RCC1: variants seen among roughly 807,000 people sequenced by gnomAD.
RCC1 encodes the protein regulator of chromosome condensation.
Under a neutral mutation model 44.4 loss-of-function variants are expected in RCC1, and 11 were observed. That is an observed-to-expected ratio of 0.25 (90% confidence interval 0.16 to 0.41). The LOEUF is 0.41. Among genes scored for constraint, RCC1 ranks in the 10% least tolerant of loss-of-function variants. The pLI is 1.00. For synonymous variants in RCC1, 213 were observed against 216.5 expected (o/e 0.98, Z 0.14); for missense variants, 386 against 547.1 (o/e 0.71, Z 2.94).
intron 4 of RCC1, among the ~76,000 whole-genome samples, chr1:28,521,531 G>A (rs1221959318): frequency 6.7e-6 from 1 of 149,872 alleles, no homozygotes; most frequent in Non-Finnish European, 1.5e-5. Context: ...AAAGAAGGTG[G>A]CCCTCCATCC....
chr1:28,529,722 C>T (rs1663985342), intron 4 of RCC1, 136 bp from the exon 5 acceptor site: 1 of 674,518 alleles, frequency 1.5e-6, no homozygotes, highest in Non-Finnish European at 2.7e-6. Context: ...TTATTCTGTT[C>T]TTGGGATACA....
chr1:28,516,722 A>G lies in RCC1; in HGVS notation c.-152-3A>G, dbSNP rs568474500. On this transcript the variant is annotated splice_region_variant and splice_polypyrimidine_tract_variant and intron_variant, in intron 3 of 12. Transcript: ENST00000683442. The stretch of plus-strand genomic sequence containing the variant: ...AATAATCACTTATTATTATTACATG[A>G]AGCTACATGAATGTGTAAGATCTTG... The G allele has an allele frequency of 6.9e-5, 27 of 390,126 alleles. 1 individual carries two copies. Among genetic ancestry groups the G allele is most frequent in the South Asian group, 5.1e-4 (27 of 53,250 alleles). The allele number at this position is 390,126 out of a possible 1,614,324, so 24.2% of individuals were successfully genotyped here.
intron 3 of RCC1, chr1:28,509,885 G>T (rs963443704): frequency 2.0e-4 from 31 of 152,332 alleles, no homozygotes; most frequent in African/African-American, 7.2e-4. Flanking sequence ...TTCCTGCAGT[G>T]TAGTGGAGGA....
intron 4 of RCC1, among the ~76,000 whole-genome samples, chr1:28,524,459 T>A (rs190268244): frequency 2.0e-5 from 3 of 152,260 alleles, no homozygotes; most frequent in Admixed American, 1.3e-4. Flanking sequence ...CTTGGGAAGC[T>A]GAGGTGGGAA....
intron 4 of RCC1, among the ~76,000 whole-genome samples, chr1:28,527,607 C>T (rs569285060): frequency 6.6e-6 from 1 of 152,258 alleles, no homozygotes; most frequent in East Asian, 1.9e-4. Flanking sequence ...TATAACAACA[C>T]ATTACCAAAG....
chr1:28,507,390 C>A (rs1465387161), intron 1 of RCC1: 1 of 519,082 alleles, frequency 1.9e-6, no homozygotes, highest in Admixed American at 1.9e-5. Flanking sequence ...CCCGGGAGGT[C>A]ACTCTCCCCG....
chr1:28,528,349 G>A (rs950328573), intron 4 of RCC1, among the ~76,000 whole-genome samples: 25 of 151,768 alleles, frequency 1.6e-4, no homozygotes, highest in African/African-American at 6.1e-4. Context: ...CCAGCTACTC[G>A]AGAGGCTGAG....
intron 4 of RCC1, among the ~76,000 whole-genome samples, chr1:28,528,404 G>A (rs1388784308): frequency 2.0e-5 from 3 of 152,154 alleles, no homozygotes; most frequent in Admixed American, 6.6e-5. Flanking sequence ...TGCATGAGCC[G>A]AGATCGCACC....
At chr1:28,522,330 A>T (rs1413854647) in intron 4 of RCC1, among the ~76,000 whole-genome samples, 2 of 152,062 alleles carry the variant, frequency 1.3e-5, no homozygotes, top group Non-Finnish European at 2.9e-5. Flanking sequence ...TCTGGCAAGG[A>T]GATTGTGTGG....
intron 4 of RCC1, chr1:28,518,271 G>A (rs898258573): frequency 6.6e-6 from 1 of 152,262 alleles, no homozygotes; most frequent in Non-Finnish European, 1.5e-5. Flanking sequence ...CGGCCCGGCG[G>A]GGAGCGCCGG....
intron 4 of RCC1, chr1:28,527,049 G>A: frequency 1.2e-6 from 1 of 824,706 alleles, no homozygotes; most frequent in South Asian, 1.3e-5. Flanking sequence ...TCAGGTGCAT[G>A]GTATGAGGAA....
chr1:28,521,479 G>A (rs941720390), intron 4 of RCC1, among the ~76,000 whole-genome samples: 27 of 141,952 alleles, frequency 1.9e-4, no homozygotes, highest in African/African-American at 3.8e-4. Flanking sequence ...CAGACTGGGC[G>A]ACAGAGCGAG....
intron 3 of RCC1, among the ~76,000 whole-genome samples, chr1:28,511,396 GTT>G (rs1289599808): frequency 1.5e-5 from 2 of 131,780 alleles, no homozygotes; most frequent in African/African-American, 3.5e-5. Context: ...CCAATTTTTT[GTT>G]TTTTGTTTTT....
In RCC1 at chr1:28,536,197, G is replaced by T. The variant is rs528796529; in HGVS notation, c.818-65G>T. The T allele has an allele frequency of 2.5e-6, 4 of 1,590,836 alleles. No individual in the cohort carries two copies. In the Admixed American group the frequency reaches 7.0e-5, roughly 28 times the overall value. Reference sequence around the variant, plus strand: ...CTGATGGGAGGTGGCCTCACTGTGGGAGGAGATTGAGAAGGGCAGCTCTCA... The same window carrying T: ...CTGATGGGAGGTGGCCTCACTGTGGTAGGAGATTGAGAAGGGCAGCTCTCA... On this transcript the variant is annotated intron_variant, in intron 10 of 12. Coordinates refer to ENST00000683442, the MANE Select transcript of RCC1 (RefSeq NM_001381865.2). This position sits in a 1 kb window ranked among gnomAD's most constrained non-coding sequence, Gnocchi z 4.9.
Position 28,536,059 on chromosome 1 carries a change from A to G in RCC1, c.817+33A>G, listed in dbSNP as rs1350837959. 1 of 1,581,302 alleles carries G rather than the reference A, an allele frequency of 6.3e-7. No homozygotes were observed. The highest frequency in any genetic ancestry group is 2.2e-5 in the East Asian group (1 of 44,528). On this transcript the variant is annotated intron_variant, in intron 10 of 12. Transcript: ENST00000683442. The surrounding 1 kb of genome is among the most constrained non-coding windows in gnomAD (Gnocchi z 4.9). Reference sequence around the variant, plus strand: ...CCGAGCCCAGCTTCAGGCATGACCCAGTGGCCTGCGTTCCTGTCCTGGCTC... The same window carrying G: ...CCGAGCCCAGCTTCAGGCATGACCCGGTGGCCTGCGTTCCTGTCCTGGCTC...
chr1:28,537,859 C>T lies in RCC1; in HGVS notation c.1118C>T (p.Thr373Ile). 1 of 1,613,174 alleles carries T rather than the reference C, an allele frequency of 6.2e-7. No homozygotes were observed. Among genetic ancestry groups the T allele is most frequent in the Non-Finnish European group, 8.5e-7 (1 of 1,179,714 alleles). Residue 373 changes from threonine (T) to isoleucine (I), a missense_variant, in exon 13 of 13, where the codon ACC (threonine) becomes ATC (isoleucine). By Grantham distance (89) the Thr-to-Ile change is moderately conservative. Transcript: ENST00000683442. ...CGTGTTTTCGCCTGGGGCATGGGCACCAACTACCAGCTGGGCACAGGGCAG... is the reference window on the plus strand; with the variant it reads ...CGTGTTTTCGCCTGGGGCATGGGCATCAACTACCAGCTGGGCACAGGGCAG... ...DGRVFAWGMG[T>I]NYQLGTGQDE...
intron 4 of RCC1, among the ~76,000 whole-genome samples, chr1:28,517,133 AAGTTCAGTTC>A (rs1197268369): frequency 6.6e-6 from 1 of 152,032 alleles, no homozygotes; most frequent in Non-Finnish European, 1.5e-5. Flanking sequence ...AAAAAAAAAA[AAGTTCAGTTC>A]AGTTGGTAAG....
intron 4 of RCC1, chr1:28,526,516 C>A: frequency 1.7e-6 from 1 of 579,468 alleles, no homozygotes; most frequent in South Asian, 1.9e-5. Context: ...TCCACTGAGA[C>A]TGCAACAACT....
chr1:28,529,371 A>T (rs1663948365), intron 4 of RCC1, among the ~76,000 whole-genome samples: 1 of 150,826 alleles, frequency 6.6e-6, no homozygotes. Context: ...TTTAGTAGAG[A>T]CGGGGTTTTG....
Sources: gnomAD v4.1 joint callset for allele counts (sites outside exome capture counted in the v4.1 genomes callset) on GRCh38, gnomAD v4.1.1 for gene constraint, Gnocchi (gnomAD v3.1) non-coding constraint, MANE v1.5 for transcripts, NCBI Gene and HGNC (gene_info 2026-07-23, HGNC 2026-07-21) for gene names.